Variants in TMEM116 observed in about 807,000 individuals in gnomAD.
TMEM116 encodes the protein transmembrane protein 116.
Under a neutral mutation model 44.3 loss-of-function variants are expected in TMEM116, and 38 were observed. The observed-to-expected ratio is 0.86, with a 90% CI of 0.66 to 1.12. TMEM116 has a LOEUF of 1.12. TMEM116 is among the 50% of genes most tolerant of loss of function. TMEM116 has a pLI of 0.00. For synonymous variants in TMEM116, 132 were observed against 144.8 expected (o/e 0.91, Z 0.64); for missense variants, 354 against 401.7 (o/e 0.88, Z 1.01).
At chr12:111,968,161 T>C (rs2075089090) in intron 4 of TMEM116, among the ~76,000 whole-genome samples, 1 of 152,070 alleles carries the variant, frequency 6.6e-6, no homozygotes, top group Non-Finnish European at 1.5e-5. Flanking sequence ...TAAATAAACG[T>C]CTCAAAGCTG....
At chr12:111,953,191 G>A (rs1252791194) in intron 4 of TMEM116, among the ~76,000 whole-genome samples, 5 of 152,112 alleles carry the variant, frequency 3.3e-5, no homozygotes, top group African/African-American at 1.2e-4. Flanking sequence ...GACTTACCCT[G>A]TGAGCCACTC....
At chr12:111,955,709 C>A (rs2074039395) in intron 4 of TMEM116, among the ~76,000 whole-genome samples, 1 of 152,166 alleles carries the variant, frequency 6.6e-6, no homozygotes. Flanking sequence ...ACATTTCGGT[C>A]AACAGCAGAC....
chr12:111,966,314 A>AT (rs1375183130), intron 4 of TMEM116, among the ~76,000 whole-genome samples: 3 of 152,166 alleles, frequency 2.0e-5, no homozygotes, highest in Non-Finnish European at 4.4e-5. Context: ...TCAAAAAAAA[A>AT]CAAAGAAGAA....
At chr12:111,946,101 T>A (rs572044512) in intron 4 of TMEM116, among the ~76,000 whole-genome samples, 26 of 152,354 alleles carry the variant, frequency 1.7e-4, no homozygotes, top group African/African-American at 6.0e-4. Flanking sequence ...TTTCCTCTAG[T>A]ATAACTTGAT....
chr12:111,976,802 G>A (rs1355945763), intron 4 of TMEM116, among the ~76,000 whole-genome samples: 1 of 152,134 alleles, frequency 6.6e-6, no homozygotes. Flanking sequence ...AACATTAAAC[G>A]TCAAAAATAC....
intron 1 of TMEM116, among the ~76,000 whole-genome samples, chr12:112,010,094 T>C (rs1020944017): frequency 6.6e-6 from 1 of 152,236 alleles, no homozygotes; most frequent in Non-Finnish European, 1.5e-5. Context: ...TACTATCTCC[T>C]GTTTGGAGAA....
At chr12:111,963,820 A>T (rs1003371456) in intron 4 of TMEM116, among the ~76,000 whole-genome samples, 48 of 152,236 alleles carry the variant, frequency 3.2e-4, no homozygotes, top group Non-Finnish European at 4.6e-4. Flanking sequence ...TATTTTTTTT[A>T]AAAAAAGAAA....
intron 4 of TMEM116, among the ~76,000 whole-genome samples, chr12:111,973,009 G>A (rs905968841): frequency 4.6e-5 from 7 of 152,142 alleles, no homozygotes; most frequent in Non-Finnish European, 8.8e-5. Flanking sequence ...GTGGTGGCAC[G>A]CTCCTGTAGT....
intron 3 of TMEM116, among the ~76,000 whole-genome samples, chr12:111,997,116 T>C (rs184209202): frequency 4.2e-4 from 64 of 152,314 alleles, no homozygotes; most frequent in Non-Finnish European, 3.8e-4. Flanking sequence ...AGAACCTCAA[T>C]AGGTATATGT....
chr12:111,940,480 T>TACAA (rs1555207339), intron 5 of TMEM116, among the ~76,000 whole-genome samples: 1 of 128,920 alleles, frequency 7.8e-6, no homozygotes, highest in Admixed American at 8.1e-5. Context: ...TATATATACA[T>TACAA]ACACACACAC....
At chr12:111,984,275 A>G (rs1460462639) in intron 4 of TMEM116, among the ~76,000 whole-genome samples, 1 of 152,198 alleles carries the variant, frequency 6.6e-6, no homozygotes, top group Non-Finnish European at 1.5e-5. Context: ...AACAACATAG[A>G]TGGAACTGGA....
At chr12:111,986,202 T>A (rs563629769) in intron 4 of TMEM116, among the ~76,000 whole-genome samples, 1 of 151,384 alleles carries the variant, frequency 6.6e-6, no homozygotes, top group East Asian at 2.0e-4. Flanking sequence ...CAAAAAAAAA[T>A]TTAAAAATTA....
At chr12:111,998,655 C>T (rs764793337) in intron 3 of TMEM116, among the ~76,000 whole-genome samples, 4 of 152,070 alleles carry the variant, frequency 2.6e-5, no homozygotes, top group Admixed American at 2.0e-4. Flanking sequence ...CCTGTCTCTA[C>T]TAAAAATACA....
rs118103455 is a variant in TMEM116 at position 111,943,706 on chromosome 12, A to G, written c.211-337T>C. 6.6e-5 allele frequency among the ~76,000 whole-genome samples: 10 copies of G among 151,922 alleles called. No homozygotes were observed. In the East Asian group the frequency reaches 1.6e-3, roughly 24 times the overall value. ...CGTGCCACTACGCCCCGCTAATTTT[A>G]TTGTATTTTTGGTAGAGATCGGGTT... On this transcript the variant is annotated intron_variant, in intron 4 of 10. Transcript: ENST00000552374.
intron 4 of TMEM116, among the ~76,000 whole-genome samples, chr12:111,970,049 T>C (rs2075238034): frequency 6.6e-6 from 1 of 151,920 alleles, no homozygotes; most frequent in Admixed American, 6.6e-5. Context: ...GGCAGATCAC[T>C]TGAGGTCAGG....
At chr12:112,002,556 C>A in intron 3 of TMEM116, among the ~76,000 whole-genome samples, 1 of 146,902 alleles carries the variant, frequency 6.8e-6, no homozygotes, top group Non-Finnish European at 1.5e-5. Context: ...CACAGTGAGA[C>A]TCCATCTCAA....
At chr12:111,976,794 C>T (rs1482433432) in intron 4 of TMEM116, among the ~76,000 whole-genome samples, 2 of 151,910 alleles carry the variant, frequency 1.3e-5, no homozygotes, top group Admixed American at 6.6e-5. Context: ...CAAAAGGAAA[C>T]ATTAAACGTC....
intron 4 of TMEM116, among the ~76,000 whole-genome samples, chr12:111,967,451 C>T (rs2075043355): frequency 6.6e-6 from 1 of 151,932 alleles, no homozygotes; most frequent in Non-Finnish European, 1.5e-5. Flanking sequence ...ATAAGGAATA[C>T]TGAAACTTTT....
chr12:111,966,143 T>C (rs559201182), intron 4 of TMEM116, among the ~76,000 whole-genome samples: 1 of 152,038 alleles, frequency 6.6e-6, no homozygotes, highest in East Asian at 1.9e-4. Flanking sequence ...CTATCTCCAC[T>C]AAAAGTACAA....
Sources: allele counts gnomAD v4.1 joint callset (sites outside exome capture counted in the v4.1 genomes callset), GRCh38; gene constraint gnomAD v4.1.1; transcripts MANE v1.5; gene names NCBI Gene and HGNC (gene_info 2026-07-23, HGNC 2026-07-21).